Variants in GGA2 observed in about 807,000 individuals in gnomAD.
GGA2 encodes the protein golgi associated, gamma adaptin ear containing, ARF binding protein 2, also known as ADP-ribosylation factor-binding protein GGA2.
In GGA2, 48 loss-of-function variants were observed where a neutral mutation model predicts 79.5. The ratio of observed to expected loss-of-function variants is 0.60; its 90% CI spans 0.48 to 0.77. The LOEUF (loss-of-function observed/expected upper bound fraction) is 0.77. Among genes scored for constraint, GGA2 ranks in the 30% least tolerant of loss-of-function variants. The pLI is 0.00. For missense variants in GGA2, 770 were observed against 774.0 expected (o/e 0.99, Z 0.06); for synonymous variants, 317 against 302.0 (o/e 1.05, Z -0.51).
At position 23,479,789 on chromosome 16, in the gene GGA2, G is replaced by A. The variant is rs1964624301; in HGVS notation, c.1105C>T (p.Leu369Phe). 6.2e-6 allele frequency: 10 copies of A among 1,614,026 alleles called. No individual in the cohort carries two copies. The highest frequency in any genetic ancestry group is 1.3e-5 in the African/African-American group (1 of 74,916). ...AQMGTVVPSL[L>F]HQDLAALGIS... ...CCCAAGGCTGCCAGGTCCTGATGAA[G>A]CAAAGATGGCACCACAGTCCCCATC... is the stretch of plus-strand genomic sequence containing the variant. Residue 369 changes from leucine (L) to phenylalanine (F), a missense_variant, in exon 11 of 17, where the codon CTT becomes TTT. Physicochemically the swap from Leu to Phe is conservative, Grantham distance 22. Transcript: ENST00000309859.
intron 5 of GGA2, among the ~76,000 whole-genome samples, chr16:23,490,670 G>A (rs957438930): frequency 2.1e-4 from 32 of 151,932 alleles, no homozygotes; most frequent in Admixed American, 2.1e-3. Flanking sequence ...AGGAGGCGGA[G>A]GTTGCAGTGA....
At chr16:23,521,178 C>T (rs951104160) in intron 1 of GGA2, among the ~76,000 whole-genome samples, 8 of 152,082 alleles carry the variant, frequency 5.3e-5, no homozygotes, top group South Asian at 2.1e-4. Context: ...TACAGTTCAG[C>T]GGCATTACGT....
chr16:23,495,817 GAAGAAATTTACACC>G, intron 1 of GGA2, 39 bp from the exon 2 acceptor site: 1 of 1,397,764 alleles, frequency 7.2e-7, no homozygotes, highest in Non-Finnish European at 1.0e-6. Context: ...TACATAATAG[GAAGAAATTTACACC>G]CCTCCCCATA....
chr16:23,514,989 A>T (rs1329976509), upstream of GGA2, among the ~76,000 whole-genome samples: 2 of 152,134 alleles, frequency 1.3e-5, no homozygotes, highest in Non-Finnish European at 2.9e-5. Flanking sequence ...TGGAGACCAC[A>T]ACAGAAAGGA....
At chr16:23,479,026 A>G (rs1964613720) in intron 11 of GGA2, 115 bp from the exon 12 acceptor site, 3 of 779,460 alleles carry the variant, frequency 3.8e-6, no homozygotes, top group Admixed American at 3.8e-5. Context: ...CAAATAAGCA[A>G]CTTACTGAAG....
rs534984774 is a variant in GGA2 at position 23,517,268 on chromosome 16, C to G, written c.61+2319G>C. ...TTTTTGAGACGGAGTCTCGCTCTGT[C>G]GCCCAGGCTGGAGTGCAGTGGCGGG... On this transcript the variant is annotated intron_variant, in intron 2 of 5. Coordinates refer to the GGA2 transcript ENST00000569300. Among the ~76,000 whole-genome samples the G allele has an allele frequency of 1.2e-3, 6 of 4,948 alleles. 3 individuals are homozygous for G. The highest frequency in any genetic ancestry group is 3.1e-3 in the Non-Finnish European group (6 of 1,926). The allele number at this position is 4,948 out of a possible 152,430, so 3.2% of individuals were successfully genotyped here.
intron 16 of GGA2, among the ~76,000 whole-genome samples, chr16:23,468,101 TTTC>T (rs1290663485): frequency 2.7e-5 from 4 of 149,534 alleles, no homozygotes; most frequent in East Asian, 1.9e-4. Context: ...AGAGACTGAC[TTTC>T]TTTTCTTTTT....
In GGA2 at chr16:23,467,694, T is replaced by C. The variant is rs761476497; in HGVS notation, c.1738A>G (p.Ile580Val). ...AATGTCAGCTTGTACCGTAAGCGGA[T>C]AGGTTCCTGGGACAGAAGAGACAGA... ...LLLDNPHKEPIRLRYKLTFNQ... is the reference protein window; with the variant it reads ...LLLDNPHKEPVRLRYKLTFNQ... The change falls in exon 17 of 17, where the codon ATC (isoleucine) becomes GTC (valine). Residue 580 changes from isoleucine (I) to valine (V), a missense_variant. Coordinates refer to ENST00000309859, the MANE Select transcript of GGA2 (RefSeq NM_015044.4). 2.8e-5 allele frequency: 43 copies of C among 1,559,124 alleles called. No homozygotes were observed. The Admixed American group carries it at 7.0e-4, about 25-fold the overall frequency.
intron 2 of GGA2, among the ~76,000 whole-genome samples, chr16:23,516,324 A>C (rs1341219675): frequency 6.6e-6 from 1 of 151,964 alleles, no homozygotes; most frequent in Non-Finnish European, 1.5e-5. Context: ...TTCAGCTTCT[A>C]TAATTTGGTG....
intron 5 of GGA2, among the ~76,000 whole-genome samples, chr16:23,490,830 T>C (rs867418497): frequency 1.2e-4 from 19 of 152,284 alleles, no homozygotes; most frequent in African/African-American, 4.6e-4. Flanking sequence ...TGTCTGCACG[T>C]TGTTACTTTT....
intron 2 of GGA2, among the ~76,000 whole-genome samples, chr16:23,515,852 T>G (rs139122552): frequency 2.2e-4 from 34 of 152,280 alleles, no homozygotes; most frequent in African/African-American, 8.2e-4. Flanking sequence ...TTTTTATTTT[T>G]TCTACAGACA....
chr16:23,501,196 T>A, intron 1 of GGA2: 1 of 447,698 alleles, frequency 2.2e-6, no homozygotes, highest in Non-Finnish European at 4.5e-6. Context: ...TTTCAAGTCA[T>A]AAAACTACAG....
chr16:23,472,160 C>A (rs147039580), intron 14 of GGA2, among the ~76,000 whole-genome samples: 1 of 144,650 alleles, frequency 6.9e-6, no homozygotes, highest in African/African-American at 2.6e-5. Flanking sequence ...GCCCTGGCAT[C>A]CAAAGATGTT....
upstream of GGA2, among the ~76,000 whole-genome samples, chr16:23,512,077 G>A (rs1161505476): frequency 2.0e-5 from 3 of 152,176 alleles, no homozygotes; most frequent in Non-Finnish European, 4.4e-5. Context: ...AAGCTGTTGT[G>A]CCGTACCCCT....
In GGA2 at chr16:23,467,425, C is replaced by G. The variant is rs953625784; in HGVS notation, c.*165G>C. ...ACACACACACACACACACACACACA[C>G]ACACACACAGAGCATCTGCAGAATA... On this transcript the variant is annotated 3_prime_UTR_variant, in exon 17 of 17. Coordinates refer to ENST00000309859, the MANE Select transcript of GGA2 (RefSeq NM_015044.4). 3.3e-6 allele frequency: 2 copies of G among 614,712 alleles called. No homozygotes were observed. The highest frequency in any genetic ancestry group is 3.7e-5 in the African/African-American group (2 of 54,128). 38.1% of individuals were successfully genotyped at this position (614,712 alleles called of 1,614,324 possible).
In GGA2 at chr16:23,480,673, G is replaced by T; in HGVS notation, c.978C>A (p.Ser326Arg). 1 of 1,613,416 alleles carries T rather than the reference G, an allele frequency of 6.2e-7. No homozygotes were observed. The highest frequency in any genetic ancestry group is 8.5e-7 in the Non-Finnish European group (1 of 1,179,348). The part of the protein sequence containing the change: ...GRVTFGNRVT[S>R]SLGDIPVSRV... The stretch of plus-strand genomic sequence containing the variant: ...TGGAGACAGGGATGTCTCCCAATGA[G>T]CTGGTCACTCTGTTTCCAAAGGTGA... Residue 326 changes from serine to arginine, a missense_variant, in exon 10 of 17, where the codon AGC becomes AGA. Coordinates refer to ENST00000309859, the MANE Select transcript of GGA2 (RefSeq NM_015044.4).
Position 23,467,380 on chromosome 16 carries a change from C to T in GGA2, c.*210G>A. ...ATCCCAAGCCCTGTGCTACCACCCT[C>T]TCCCCGAACACACACACACACACAC... On this transcript the variant is annotated 3_prime_UTR_variant, in exon 17 of 17. Transcript: ENST00000309859. 2.7e-6 allele frequency: 1 copy of T among 364,824 alleles called. No homozygotes were observed. Among genetic ancestry groups the T allele is most frequent in the South Asian group, 3.4e-5 (1 of 29,768 alleles). 22.6% of individuals were successfully genotyped at this position (364,824 alleles called of 1,614,324 possible).
At chr16:23,472,413 G>A (rs1217631406) in intron 14 of GGA2, among the ~76,000 whole-genome samples, 1 of 151,482 alleles carries the variant, frequency 6.6e-6, no homozygotes, top group Admixed American at 6.6e-5. Context: ...GGCCAGGTTG[G>A]TCTCAAACTC....
upstream of GGA2, among the ~76,000 whole-genome samples, chr16:23,513,365 C>A (rs1965084957): frequency 6.6e-6 from 1 of 152,176 alleles, no homozygotes; most frequent in African/African-American, 2.4e-5. Context: ...AGGCAAGCCA[C>A]AGAAACTCAA....
Sources: gnomAD v4.1 joint callset for allele counts (sites outside exome capture counted in the v4.1 genomes callset) on GRCh38, gnomAD v4.1.1 for gene constraint, MANE v1.5 for transcripts, NCBI Gene and HGNC (gene_info 2026-07-23, HGNC 2026-07-21) for gene names.